Variants in ELP4 observed in about 807,000 individuals in gnomAD.
The protein encoded by ELP4 is elongator complex protein 4.
Under a neutral mutation model 48.9 loss-of-function variants are expected in ELP4, and 51 were observed. The observed-to-expected ratio is 1.04, with a 90% CI of 0.83 to 1.32. The LOEUF (loss-of-function observed/expected upper bound fraction) is 1.32. Ranked by LOEUF, ELP4 falls within the 40% of genes most tolerant of loss-of-function variation. The pLI is 0.00. For missense variants in ELP4, 519 were observed against 514.6 expected, an observed-to-expected ratio of 1.01 and a Z score of -0.08; for synonymous variants, 210 against 189.2, an observed-to-expected ratio of 1.11 and a Z score of -0.90.
intron 9 of ELP4, chr11:31,664,458 T>A (rs940287888): frequency 1.1e-4 from 16 of 152,166 alleles, no homozygotes; most frequent in African/African-American, 3.4e-4. Context: ...GGGGGGAGTC[T>A]GATTTAAAGA....
At chr11:31,750,955 A>C (rs1212931848) in intron 9 of ELP4, among the ~76,000 whole-genome samples, 1 of 152,168 alleles carries the variant, frequency 6.6e-6, no homozygotes, top group Non-Finnish European at 1.5e-5. Context: ...CTTAACCTCC[A>C]CAGAAGAGAA....
intron 9 of ELP4, among the ~76,000 whole-genome samples, chr11:31,721,701 C>G (rs1946963097): frequency 6.6e-6 from 1 of 151,670 alleles, no homozygotes; most frequent in African/African-American, 2.4e-5. Flanking sequence ...TGGAAAATAT[C>G]AATGAGCAAA....
chr11:31,642,577 A>G, intron 7 of ELP4, among the ~76,000 whole-genome samples: 1 of 151,890 alleles, frequency 6.6e-6, no homozygotes, highest in East Asian at 1.9e-4. Flanking sequence ...TCCTATGTGA[A>G]TATTACTATA....
intron 2 of ELP4, among the ~76,000 whole-genome samples, chr11:31,522,294 TGTGTAAAGA>T (rs1956226553): frequency 1.3e-5 from 2 of 152,148 alleles, no homozygotes; most frequent in East Asian, 3.9e-4. Flanking sequence ...TACAAAACGG[TGTGTAAAGA>T]AAATTAGGTT....
chr11:31,722,695 C>T (rs56939588), intron 9 of ELP4, among the ~76,000 whole-genome samples: 5 of 112,548 alleles, frequency 4.4e-5, no homozygotes, highest in Non-Finnish European at 8.8e-5. Context: ...CTCTCTCTCT[C>T]TGTCTCTCTC....
chr11:31,584,124 A>G (rs1482106743), intron 3 of ELP4, among the ~76,000 whole-genome samples: 2 of 152,238 alleles, frequency 1.3e-5, no homozygotes, highest in East Asian at 3.9e-4. Context: ...GCAATTGGGA[A>G]AAATAAGTTT....
chr11:31,541,832 T>C (rs1046020175), intron 3 of ELP4, among the ~76,000 whole-genome samples: 1 of 152,330 alleles, frequency 6.6e-6, no homozygotes, highest in African/African-American at 2.4e-5. Flanking sequence ...AAAAGAAATA[T>C]TACCTTTTTC....
intron 3 of ELP4, among the ~76,000 whole-genome samples, chr11:31,544,984 A>G (rs1032264782): frequency 1.3e-5 from 2 of 152,188 alleles, no homozygotes; most frequent in African/African-American, 4.8e-5. Flanking sequence ...AAGGACATCC[A>G]CACCAAAAAC....
chr11:31,544,293 A>G (rs1383797324), intron 3 of ELP4, among the ~76,000 whole-genome samples: 2 of 152,234 alleles, frequency 1.3e-5, no homozygotes, highest in African/African-American at 2.4e-5. Flanking sequence ...GGTCACTCCC[A>G]CCTGAATACT....
intron 3 of ELP4, among the ~76,000 whole-genome samples, chr11:31,586,933 A>G (rs986923980): frequency 6.6e-6 from 1 of 152,054 alleles, no homozygotes; most frequent in African/African-American, 2.4e-5. Context: ...AGCCACGGCG[A>G]CCGGCCAAAT....
chr11:31,713,508 G>A (rs1451982367), intron 9 of ELP4, among the ~76,000 whole-genome samples: 1 of 152,050 alleles, frequency 6.6e-6, no homozygotes, highest in Non-Finnish European at 1.5e-5. Context: ...ACTGAGCAAT[G>A]GTAAAAGTTT....
chr11:31,611,754 T>A (rs1322540206), intron 5 of ELP4, among the ~76,000 whole-genome samples: 1 of 152,236 alleles, frequency 6.6e-6, no homozygotes, highest in Admixed American at 6.5e-5. Flanking sequence ...TGCCATTGTG[T>A]AGCTTACGGT....
chr11:31,748,416 T>C (rs1947645932), intron 9 of ELP4, among the ~76,000 whole-genome samples: 1 of 152,046 alleles, frequency 6.6e-6, no homozygotes, highest in Admixed American at 6.6e-5. Context: ...AGCTAATTTT[T>C]GTATTTTTAG....
intron 9 of ELP4, among the ~76,000 whole-genome samples, chr11:31,688,237 T>TCA (rs1239283009): frequency 6.6e-6 from 1 of 152,136 alleles, no homozygotes; most frequent in East Asian, 1.9e-4. Context: ...CTAATGCTGT[T>TCA]TATATATATG....
At chr11:31,574,243 C>A (rs549045375) in intron 3 of ELP4, among the ~76,000 whole-genome samples, 1 of 152,176 alleles carries the variant, frequency 6.6e-6, no homozygotes, top group Admixed American at 6.5e-5. Flanking sequence ...GGGGGAGGGA[C>A]GTCCACCATT....
At chr11:31,591,582 T>TA (rs1216525635) in intron 3 of ELP4, among the ~76,000 whole-genome samples, 1 of 152,010 alleles carries the variant, frequency 6.6e-6, no homozygotes, top group African/African-American at 2.4e-5. Context: ...GGTAGCTATT[T>TA]AAAAATAATA....
At chr11:31,516,537 C>T (rs1307113385) in intron 1 of ELP4, among the ~76,000 whole-genome samples, 1 of 152,156 alleles carries the variant, frequency 6.6e-6, no homozygotes, top group African/African-American at 2.4e-5. Flanking sequence ...ACATTGTTAC[C>T]CTGGCTGGAG....
intron 9 of ELP4, among the ~76,000 whole-genome samples, chr11:31,709,839 A>G (rs929486056): frequency 2.0e-5 from 3 of 152,184 alleles, no homozygotes; most frequent in Non-Finnish European, 2.9e-5. Context: ...TACAATCACA[A>G]TGTGTCAAAT....
At chr11:31,545,383 A>C (rs993786089) in intron 3 of ELP4, among the ~76,000 whole-genome samples, 2 of 152,210 alleles carry the variant, frequency 1.3e-5, no homozygotes, top group African/African-American at 4.8e-5. Flanking sequence ...AAAGGGTATC[A>C]GCGATGGAAG....
Sources: allele counts gnomAD v4.1 joint callset (sites outside exome capture counted in the v4.1 genomes callset), GRCh38; gene constraint gnomAD v4.1.1; transcripts MANE v1.5; gene names NCBI Gene and HGNC (gene_info 2026-07-23, HGNC 2026-07-21).